ARID1B: variants seen among roughly 807,000 people sequenced by gnomAD.
The protein encoded by ARID1B is AT-rich interactive domain-containing protein 1B.
A neutral mutation model predicts 212.3 loss-of-function variants in ARID1B; 30 were observed. The observed-to-expected ratio is 0.14, with a 90% CI of 0.11 to 0.19. The LOEUF is 0.19. Ranked by LOEUF, ARID1B falls within the 10% of genes least tolerant of loss-of-function variation. The pLI, the probability that ARID1B is intolerant of heterozygous loss-of-function variation, is 1.00. For synonymous variants in ARID1B, 1,402 were observed against 1,301.7 expected, an observed-to-expected ratio of 1.08 and a Z score of -1.66; for missense variants, 2,891 against 3,204.0, an observed-to-expected ratio of 0.90 and a Z score of 2.36.
chr6:157,038,417 A>C (rs571005354), intron 4 of ARID1B, among the ~76,000 whole-genome samples: 2 of 152,318 alleles, frequency 1.3e-5, no homozygotes, highest in South Asian at 4.1e-4. Flanking sequence ...TACCAGTTGT[A>C]CAGTAATGAC....
chr6:156,992,002 CTT>C (rs1778301243), intron 4 of ARID1B, among the ~76,000 whole-genome samples: 1 of 152,156 alleles, frequency 6.6e-6, no homozygotes, highest in Non-Finnish European at 1.5e-5. Flanking sequence ...ACAAAGATCT[CTT>C]GTCATGAACT....
intron 2 of ARID1B, among the ~76,000 whole-genome samples, chr6:156,894,556 A>ATAG (rs1788234796): frequency 1.3e-5 from 2 of 152,228 alleles, no homozygotes; most frequent in South Asian, 4.1e-4. Flanking sequence ...ACACAGCAAA[A>ATAG]TAGTAGCATG....
In ARID1B at chr6:157,174,136, C is replaced by T. The variant is rs1264390905; in HGVS notation, c.3345+19C>T. 3 of 1,605,690 alleles carry T rather than the reference C, an allele frequency of 1.9e-6. No individual in the cohort carries two copies. In the South Asian group the frequency reaches 3.3e-5, roughly 18 times the overall value. ...GTCAAAGGTACTTCCTTCGCCTCTG[C>T]ACGCGGTGTGAGGTCTGCCTAGCAA... On this transcript the variant is annotated intron_variant, in intron 10 of 19. Coordinates refer to ENST00000636930, the MANE Select transcript of ARID1B (RefSeq NM_001374828.1).
At chr6:156,859,761 C>T (rs1785194416) in intron 2 of ARID1B, among the ~76,000 whole-genome samples, 1 of 152,220 alleles carries the variant, frequency 6.6e-6, no homozygotes, top group Non-Finnish European at 1.5e-5. Context: ...AGTTGTCCTT[C>T]CAAGCCTGGT....
At chr6:157,077,092 G>C (rs547120935) in intron 4 of ARID1B, among the ~76,000 whole-genome samples, 12 of 152,114 alleles carry the variant, frequency 7.9e-5, no homozygotes, top group African/African-American at 2.9e-4. Flanking sequence ...TGACTATGTC[G>C]ATCCTTAAAA....
intron 19 of ARID1B, chr6:157,205,732 G>A (rs1794396261): frequency 6.3e-6 from 1 of 157,778 alleles, no homozygotes; most frequent in Non-Finnish European, 1.4e-5. Context: ...CGGCAAGCAA[G>A]TCTCAGATAA....
At chr6:156,801,965 A>G (rs1016090403) in intron 1 of ARID1B, among the ~76,000 whole-genome samples, 8 of 152,216 alleles carry the variant, frequency 5.3e-5, no homozygotes, top group Admixed American at 1.3e-4. Flanking sequence ...CTTCATAGCA[A>G]ATGAGGCGTG....
At position 156,874,684 on chromosome 6, in the gene ARID1B, A is replaced by G. The variant is rs144770231; in HGVS notation, c.1987-26692A>G. ...CTCTTACACAAACCCCGCCTTCTTA[A>G]ATAGGTCCCACATTTTCATGGTGCC... On this transcript the variant is annotated intron_variant, in intron 2 of 19. Coordinates refer to ENST00000636930, the MANE Select transcript of ARID1B (RefSeq NM_001374828.1). Among the ~76,000 whole-genome samples the G allele has an allele frequency of 1.3e-3, 192 of 152,300 alleles. 2 individuals are homozygous for G. Among genetic ancestry groups the G allele is most frequent in the African/African-American group, 4.4e-3 (183 of 41,558 alleles).
intron 2 of ARID1B, among the ~76,000 whole-genome samples, chr6:156,842,275 T>G (rs1204055479): frequency 6.6e-6 from 1 of 152,232 alleles, no homozygotes; most frequent in Non-Finnish European, 1.5e-5. Flanking sequence ...TTACTCTCTG[T>G]TGTCCCTCTT....
At chr6:157,087,527 C>T (rs1785031373) in intron 5 of ARID1B, among the ~76,000 whole-genome samples, 1 of 152,190 alleles carries the variant, frequency 6.6e-6, no homozygotes, top group Non-Finnish European at 1.5e-5. Context: ...ATGCGGAGCA[C>T]TCAGTGCTTG....
chr6:157,129,533 A>T (rs1163862801), intron 6 of ARID1B, among the ~76,000 whole-genome samples: 1 of 152,220 alleles, frequency 6.6e-6, no homozygotes, highest in Non-Finnish European at 1.5e-5. Context: ...TAATACAAAG[A>T]AAAAAATAGC....
At chr6:156,931,074 C>A (rs1208683813) in intron 3 of ARID1B, among the ~76,000 whole-genome samples, 1 of 151,780 alleles carries the variant, frequency 6.6e-6, no homozygotes, top group African/African-American at 2.4e-5. Context: ...CCTGTAGTCC[C>A]AGCTACTCGG....
At chr6:157,015,642 A>C (rs1349820369) in intron 4 of ARID1B, among the ~76,000 whole-genome samples, 3 of 152,222 alleles carry the variant, frequency 2.0e-5, no homozygotes, top group Non-Finnish European at 4.4e-5. Context: ...GACCCACTGT[A>C]GTTAGAACAC....
chr6:157,192,039 G>A (rs1793416856), intron 15 of ARID1B, among the ~76,000 whole-genome samples: 1 of 152,188 alleles, frequency 6.6e-6, no homozygotes, highest in South Asian at 2.1e-4. Flanking sequence ...CACTCATAAA[G>A]CAAGATCATC....
At chr6:157,080,459 G>A (rs1348381395) in intron 4 of ARID1B, among the ~76,000 whole-genome samples, 2 of 152,168 alleles carry the variant, frequency 1.3e-5, no homozygotes, top group Non-Finnish European at 2.9e-5. Flanking sequence ...GAAGGATCAT[G>A]TACAATCTGT....
rs148842520 is a variant in ARID1B at position 156,780,650 on chromosome 6, C to T, written c.1791+1179C>T. 1.1e-4 allele frequency among the ~76,000 whole-genome samples: 17 copies of T among 152,308 alleles called. No homozygotes were observed. In the East Asian group the frequency reaches 2.9e-3, roughly 26 times the overall value. The stretch of plus-strand genomic sequence containing the variant: ...CAAAAATTCTTGCCACAAATAATAA[C>T]TGAGCTCTATTACAAGCAAATGTAA... On this transcript the variant is annotated intron_variant, in intron 1 of 19. Transcript: ENST00000636930.
rs2114975852 is a variant in ARID1B at position 156,778,481 on chromosome 6, C to G, written c.801C>G (p.Asp267Glu). 1.5e-6 allele frequency: 2 copies of G among 1,290,550 alleles called. No homozygotes were observed. Among genetic ancestry groups the G allele is most frequent in the Non-Finnish European group, 1.9e-6 (2 of 1,025,728 alleles). 79.9% of individuals were successfully genotyped at this position (1,290,550 alleles called of 1,614,324 possible). A position where few individuals can be genotyped will look rare whatever the true frequency, so the allele number is the denominator to read the frequency against. The change falls in exon 1 of 20, where the codon GAC (aspartate) becomes GAG (glutamate). Residue 267 changes from aspartate (D) to glutamate (E), a missense_variant. By Grantham distance (45) the Asp-to-Glu change is conservative. Around this residue, in one of 7 missense-constraint regions of ARID1B, gnomAD observed 1,643 missense variants for 1,544.0 expected, o/e 1.06. Transcript: ENST00000636930. Reference sequence around the variant, plus strand: ...CGCCGCTGCTGAGCAAGCCGGGCGACGAGGACGACGCGCCGCCCAAGATGG... The same window carrying G: ...CGCCGCTGCTGAGCAAGCCGGGCGAGGAGGACGACGCGCCGCCCAAGATGG... ...PGPPLLSKPG[D>E]EDDAPPKMGE...
chr6:156,927,527 T>G (rs1791322692), intron 3 of ARID1B, among the ~76,000 whole-genome samples: 1 of 152,202 alleles, frequency 6.6e-6, no homozygotes. Flanking sequence ...CACCCCCGCT[T>G]CTGGTGGCAT....
At chr6:156,830,587 TATTA>T (rs1216349811) in intron 2 of ARID1B, among the ~76,000 whole-genome samples, 1 of 152,158 alleles carries the variant, frequency 6.6e-6, no homozygotes, top group Admixed American at 6.5e-5. Context: ...TTATTATTGT[TATTA>T]ATTTATTATT....
Sources: allele counts gnomAD v4.1 joint callset (sites outside exome capture counted in the v4.1 genomes callset), GRCh38; gene constraint gnomAD v4.1.1; regional missense constraint gnomAD v4.1.1; transcripts MANE v1.5; gene names NCBI Gene and HGNC (gene_info 2026-07-23, HGNC 2026-07-21).